CFAP47: variants seen among roughly 807,000 people sequenced by gnomAD.
CFAP47 encodes the protein cilia and flagella associated protein 47.
A neutral mutation model predicts 148.1 loss-of-function variants in CFAP47; 29 were observed. That is an observed-to-expected ratio of 0.20 (90% CI 0.15 to 0.27). The LOEUF (loss-of-function observed/expected upper bound fraction) is 0.27. Among genes scored for constraint, CFAP47 ranks in the 10% least tolerant of loss-of-function variants. The pLI, the probability that CFAP47 is intolerant of heterozygous loss-of-function variation, is 1.00. For synonymous variants in CFAP47, 664 were observed against 577.3 expected, an observed-to-expected ratio of 1.15 and a Z score of -2.15; for missense variants, 1,872 against 1,697.5, an observed-to-expected ratio of 1.10 and a Z score of -1.81.
At chrX:36,038,345 G>GA (rs758424312) in intron 24 of CFAP47, among the ~76,000 whole-genome samples, 10 of 111,975 alleles carry the variant, frequency 8.9e-5, no homozygotes, top group Non-Finnish European at 1.9e-4. Flanking sequence ...ATTTCGATGT[G>GA]AAAGGGTATT....
intron 45 of CFAP47, among the ~76,000 whole-genome samples, chrX:36,216,910 A>AGACTCTTGCAGCGT (rs61182876): frequency 9.0e-6 from 1 of 111,092 alleles, no homozygotes; most frequent in Admixed American, 9.5e-5. Context: ...GGGGAGGTTC[A>AGACTCTTGCAGCGT]GACTCCTAAG....
chrX:36,352,639 G>C (rs986393792), intron 59 of CFAP47, among the ~76,000 whole-genome samples: 9 of 109,592 alleles, frequency 8.2e-5, no homozygotes, highest in African/African-American at 3.0e-4. Context: ...TTATATGTTT[G>C]GGAGAAATAA....
chrX:36,228,497 G>A (rs1940297229), intron 45 of CFAP47, 131 bp from the exon 46 acceptor site: 1 of 442,705 alleles, frequency 2.3e-6, no homozygotes, highest in Admixed American at 3.9e-5. Context: ...TAGAAGTATT[G>A]TGTTATCCCA....
chrX:36,293,236 G>A (rs922765936), intron 51 of CFAP47, among the ~76,000 whole-genome samples: 9 of 111,860 alleles, frequency 8.0e-5, no homozygotes, highest in Non-Finnish European at 1.7e-4. Flanking sequence ...CACAAACCTG[G>A]GAACTGTAGA....
intron 6 of CFAP47, 31 bp from the exon 7 acceptor site, chrX:35,953,561 T>G: frequency 8.7e-7 from 1 of 1,144,815 alleles, no homozygotes; most frequent in Non-Finnish European, 1.2e-6. Context: ...CAACTTTGCT[T>G]TAAAAATAAC....
intron 33 of CFAP47, among the ~76,000 whole-genome samples, chrX:36,126,736 C>A (rs1938846324): frequency 8.9e-6 from 1 of 112,029 alleles, no homozygotes; most frequent in Non-Finnish European, 1.9e-5. Flanking sequence ...GTTCTTATTT[C>A]TCCACATCCT....
At chrX:36,049,155 A>G (rs1451541615) in intron 26 of CFAP47, among the ~76,000 whole-genome samples, 1 of 110,674 alleles carries the variant, frequency 9.0e-6, no homozygotes, top group African/African-American at 3.3e-5. Flanking sequence ...AATAGTCCTG[A>G]GAAGTGGGGT....
rs1487964856 is a variant in CFAP47 at position 36,205,001 on chromosome X, C to T, written c.6708C>T (p.Thr2236=). The T allele has an allele frequency of 5.1e-5, 15 of 295,304 alleles. No homozygotes were observed. Among genetic ancestry groups the T allele is most frequent in the African/African-American group, 8.3e-5 (3 of 36,262 alleles). The allele number at this position is 295,304 out of a possible 1,213,427, so 24.3% of individuals were successfully genotyped here. A position where few individuals can be genotyped will look rare whatever the true frequency, so the allele number is the denominator to read the frequency against. ...TCTCAAAGTTGAGGAAGCCTAAGAC[C>T]GTTTCATACACAACAGAAGTGAGCC... The part of the protein sequence containing the change: ...FRISKLRKPK[T]VSYTTEVSLP... Residue 2236 remains threonine (T), a synonymous_variant, in exon 45 of 64, where the codon ACC becomes ACT. Transcript: ENST00000378653.
At chrX:36,347,097 A>G (rs1941704333) in intron 57 of CFAP47, among the ~76,000 whole-genome samples, 1 of 112,206 alleles carries the variant, frequency 8.9e-6, no homozygotes, top group Non-Finnish European at 1.9e-5. Context: ...AGAAAAAAAC[A>G]AACCACCTCA....
rs780458835 is a variant in CFAP47 at position 35,920,216 on chromosome X, CTT to C, written c.249+170_249+171del. Among the ~76,000 whole-genome samples the C allele has an allele frequency of 3.1e-3, 349 of 111,236 alleles. 1 individual carries two copies. The highest frequency in any genetic ancestry group is 0.011 in the African/African-American group (335 of 30,620). On this transcript the variant is annotated intron_variant, in intron 1 of 63. Coordinates refer to ENST00000378653, the MANE Select transcript of CFAP47 (RefSeq NM_001304548.2). Reference sequence around the variant, plus strand: ...CTGTGTGTGTGCTCTTTTTGTTTCTCTTTGTTTTCTGTTTTGTTTAGGATTAG... The same window carrying C: ...CTGTGTGTGTGCTCTTTTTGTTTCTCTGTTTTCTGTTTTGTTTAGGATTAG...
At chrX:36,204,736 G>A (rs1396445026) in intron 44 of CFAP47, among the ~76,000 whole-genome samples, 2 of 111,195 alleles carry the variant, frequency 1.8e-5, no homozygotes, top group African/African-American at 3.3e-5. Context: ...GCATTAGCAC[G>A]GGGGACATTG....
intron 39 of CFAP47, among the ~76,000 whole-genome samples, chrX:36,161,876 G>A (rs1324596433): frequency 1.8e-5 from 2 of 111,733 alleles, no homozygotes; most frequent in Non-Finnish European, 3.8e-5. Context: ...TGGTTCCTAG[G>A]TGCATGTAAG....
intron 33 of CFAP47, among the ~76,000 whole-genome samples, chrX:36,110,540 G>T (rs1274940305): frequency 8.9e-6 from 1 of 111,860 alleles, no homozygotes; most frequent in Non-Finnish European, 1.9e-5. Context: ...GTTGGATACA[G>T]TGAAGCCTCC....
intron 55 of CFAP47, 148 bp downstream of exon 55, chrX:36,307,024 A>T (rs1010276945): frequency 2.4e-5 from 7 of 292,675 alleles, no homozygotes; most frequent in Non-Finnish European, 4.1e-5. Flanking sequence ...TGTAAAATAA[A>T]ATATGCATTA....
intron 22 of CFAP47, among the ~76,000 whole-genome samples, chrX:36,022,467 C>T (rs1937171021): frequency 9.1e-6 from 1 of 110,397 alleles, no homozygotes; most frequent in Non-Finnish European, 1.9e-5. Context: ...TCTTCTTTGG[C>T]TTAAATCTGC....
At chrX:36,092,489 A>G (rs1353790162) in intron 30 of CFAP47, among the ~76,000 whole-genome samples, 1 of 111,380 alleles carries the variant, frequency 9.0e-6, no homozygotes, top group Non-Finnish European at 1.9e-5. Context: ...TTTTGTTACC[A>G]TGTAGGGATT....
At chrX:36,033,351 A>G (rs748411670) in intron 23 of CFAP47, among the ~76,000 whole-genome samples, 1 of 111,944 alleles carries the variant, frequency 8.9e-6, no homozygotes. Context: ...CTGCATACAT[A>G]TATCATTTTG....
At position 36,031,322 on chromosome X, in the gene CFAP47, C is replaced by T; in HGVS notation, c.3626C>T (p.Pro1209Leu). 3.4e-6 allele frequency: 1 copy of T among 290,929 alleles called. No homozygotes were observed. The highest frequency in any genetic ancestry group is 4.8e-5 in the East Asian group (1 of 20,697). The allele number at this position is 290,929 out of a possible 1,213,427, so 24.0% of individuals were successfully genotyped here. The change falls in exon 23 of 64, where the codon CCT becomes CTT. Residue 1209 changes from proline (P) to leucine (L), a missense_variant. By Grantham distance (98) the Pro-to-Leu change is moderately conservative. Coordinates refer to ENST00000378653, the MANE Select transcript of CFAP47 (RefSeq NM_001304548.2). ...VFEIPLHEMN[P>L]NNKVTKTQNL... ...GAAATCCCTTTACATGAGATGAATC[C>T]TAATAACAAGGTCACAAAAACTCAG...
chrX:36,379,521 G>C lies in CFAP47; in HGVS notation c.9354+3G>C. On this transcript the variant is annotated splice_donor_region_variant and intron_variant, in intron 63 of 63. Transcript: ENST00000378653. The stretch of plus-strand genomic sequence containing the variant: ...ATAAAGCAACATTAGTAATACAGGT[G>C]AGTTCTATAAGGGCAATAGCCAAGG... 1 of 1,146,266 alleles carries C rather than the reference G, an allele frequency of 8.7e-7. No individual in the cohort carries two copies. Among genetic ancestry groups the C allele is most frequent in the Non-Finnish European group, 1.2e-6 (1 of 853,716 alleles). The allele number at this position is 1,146,266 out of a possible 1,213,427, so 94.5% of individuals were successfully genotyped here.
Sources: gnomAD v4.1 joint callset for allele counts (sites outside exome capture counted in the v4.1 genomes callset) on GRCh38, gnomAD v4.1.1 for gene constraint, MANE v1.5 for transcripts, NCBI Gene and HGNC (gene_info 2026-07-23, HGNC 2026-07-21) for gene names.